The following PRRX1 variants were observed in gnomAD, a reference collection of about 807,000 sequenced individuals.
The protein encoded by PRRX1 is paired related homeobox 1, also known as paired mesoderm homeobox protein 1.
PRRX1 carries 8 observed loss-of-function variants against 24.0 expected under a neutral mutation model. That is an observed-to-expected ratio of 0.33 (90% confidence interval 0.20 to 0.60). The LOEUF (loss-of-function observed/expected upper bound fraction) is 0.60, where lower values mean the gene tolerates loss of function less well. PRRX1 is among the 20% of genes least tolerant of loss of function. The pLI is 0.82. For synonymous variants in PRRX1, 160 were observed against 131.7 expected, an observed-to-expected ratio of 1.22 and a Z score of -1.47; for missense variants, 281 against 322.4, an observed-to-expected ratio of 0.87 and a Z score of 0.98.
chr1:170,713,742 CA>C (rs1309911237), intron 1 of PRRX1, among the ~76,000 whole-genome samples: 1 of 152,140 alleles, frequency 6.6e-6, no homozygotes, highest in Non-Finnish European at 1.5e-5. Context: ...TTTCCCAAAT[CA>C]CATATAAGAT....
At chr1:170,708,259 G>A (rs1654629209) in intron 1 of PRRX1, among the ~76,000 whole-genome samples, 2 of 152,086 alleles carry the variant, frequency 1.3e-5, no homozygotes, top group Non-Finnish European at 2.9e-5. Flanking sequence ...TCAACAACAG[G>A]GGACATGATT....
chr1:170,726,142 A>T, intron 2 of PRRX1, 78 bp from the exon 3 acceptor site: 1 of 1,392,844 alleles, frequency 7.2e-7, no homozygotes, highest in Non-Finnish European at 1.0e-6. Context: ...AATCAAGCAG[A>T]ATTTCATTCA....
chr1:170,692,523 T>G (rs1329149174), intron 1 of PRRX1, among the ~76,000 whole-genome samples: 3 of 148,336 alleles, frequency 2.0e-5, no homozygotes, highest in Non-Finnish European at 4.5e-5. Context: ...TTAAAGCTGT[T>G]TTTTTTTTTT....
intron 1 of PRRX1, among the ~76,000 whole-genome samples, chr1:170,675,114 C>A (rs1346187259): frequency 6.6e-6 from 1 of 152,216 alleles, no homozygotes; most frequent in East Asian, 1.9e-4. Flanking sequence ...AACAGTTCTC[C>A]AAGGATTGTG....
At chr1:170,725,602 G>A (rs907838140) in intron 2 of PRRX1, among the ~76,000 whole-genome samples, 1 of 152,152 alleles carries the variant, frequency 6.6e-6, no homozygotes, top group Non-Finnish European at 1.5e-5. Context: ...TAGTCTTCAG[G>A]TTCTCTGCAG....
chr1:170,717,775 C>A lies in PRRX1; in HGVS notation c.242-1951C>A, dbSNP rs563474070. ...CAAATATTAAATAGGAAGGAGAATGCAAGTGCAATGTAACTACTGAAAGGT... is the reference window on the plus strand; with the variant it reads ...CAAATATTAAATAGGAAGGAGAATGAAAGTGCAATGTAACTACTGAAAGGT... On this transcript the variant is annotated intron_variant, in intron 1 of 3. Transcript: ENST00000239461. Among the ~76,000 whole-genome samples the A allele has an allele frequency of 6.6e-5, 10 of 152,254 alleles. No individual in the cohort carries two copies. In the East Asian group the frequency reaches 1.9e-3, roughly 29 times the overall value.
rs766005361 is a variant in PRRX1 at position 170,687,288 on chromosome 1, TG to T, written c.241+22830del. Among the ~76,000 whole-genome samples, 11 of 152,304 alleles carry T rather than the reference TG, an allele frequency of 7.2e-5. No homozygotes were observed. In the South Asian group the frequency reaches 1.4e-3, roughly 20 times the overall value. Reference sequence around the variant, plus strand: ...TACAGTCTGTTGAAAGCATATTTGGTGAACAAGCCCATTGGAGGCATTTATT... The same window carrying T: ...TACAGTCTGTTGAAAGCATATTTGGTAACAAGCCCATTGGAGGCATTTATT... On this transcript the variant is annotated intron_variant, in intron 1 of 3. Coordinates refer to ENST00000239461, the MANE Select transcript of PRRX1 (RefSeq NM_022716.4).
chr1:170,720,048 G>C (rs1655031397), intron 2 of PRRX1, 147 bp downstream of exon 2: 2 of 1,091,412 alleles, frequency 1.8e-6, no homozygotes, highest in South Asian at 2.7e-5. Context: ...CAGGCACATT[G>C]CTTGAGCTCA....
chr1:170,711,902 T>G (rs1047155003), intron 1 of PRRX1, among the ~76,000 whole-genome samples: 9 of 152,232 alleles, frequency 5.9e-5, no homozygotes, highest in Non-Finnish European at 1.2e-4. Context: ...CTTTGGTTTC[T>G]TCTTATCCTT....
intron 1 of PRRX1, among the ~76,000 whole-genome samples, chr1:170,679,557 A>C (rs532926024): frequency 6.6e-6 from 1 of 152,114 alleles, no homozygotes; most frequent in African/African-American, 2.4e-5. Flanking sequence ...CTGCCACCAC[A>C]CCTGGCTAAT....
At chr1:170,721,892 C>G (rs1005490112) in intron 2 of PRRX1, among the ~76,000 whole-genome samples, 11 of 152,016 alleles carry the variant, frequency 7.2e-5, no homozygotes, top group Non-Finnish European at 1.3e-4. Context: ...AGTCCAGTAA[C>G]CCACAGCACA....
intron 3 of PRRX1, among the ~76,000 whole-genome samples, chr1:170,732,089 G>A (rs370530941): frequency 5.3e-5 from 8 of 152,156 alleles, no homozygotes; most frequent in African/African-American, 1.9e-4. Flanking sequence ...GCAGGCTTCT[G>A]GTTGTTGTCA....
Position 170,664,312 on chromosome 1 carries a change from A to G in PRRX1, c.94A>G (p.Lys32Glu). 1.2e-6 allele frequency: 2 copies of G among 1,613,794 alleles called. No individual in the cohort carries two copies. The highest frequency in any genetic ancestry group is 1.1e-5 in the South Asian group (1 of 90,986). Reference protein sequence around the residue: ...PGNLDTLQAKKNFSVSHLLDL... With the variant: ...PGNLDTLQAKENFSVSHLLDL... ...CAACCTCGACACCCTGCAGGCGAAA[A>G]AGAACTTCTCCGTCAGTCACCTGCT... The change falls in exon 1 of 4, where the codon AAG becomes GAG. Residue 32 changes from lysine (K) to glutamate (E), a missense_variant. Coordinates refer to ENST00000239461, the MANE Select transcript of PRRX1 (RefSeq NM_022716.4).
rs76924140 is a variant in PRRX1 at position 170,677,277 on chromosome 1, C to A, written c.241+12818C>A. On this transcript the variant is annotated intron_variant, in intron 1 of 3. Coordinates refer to ENST00000239461, the MANE Select transcript of PRRX1 (RefSeq NM_022716.4). ...TCAATTTCCTCATCTATAAAACTGGCACATTAATATTTATCACGCAGATTT... is the reference window on the plus strand; with the variant it reads ...TCAATTTCCTCATCTATAAAACTGGAACATTAATATTTATCACGCAGATTT... Among the ~76,000 whole-genome samples, 472 of 152,284 alleles carry A rather than the reference C, an allele frequency of 3.1e-3. 10 individuals carry two copies. Among genetic ancestry groups the A allele is most frequent in the East Asian group, 0.012 (64 of 5,176 alleles).
intron 1 of PRRX1, among the ~76,000 whole-genome samples, chr1:170,714,839 G>A (rs2101913850): frequency 6.6e-6 from 1 of 152,198 alleles, no homozygotes; most frequent in Non-Finnish European, 1.5e-5. Context: ...CCGAGGTCAG[G>A]GCTATTGTTC....
chr1:170,716,328 T>C (rs560295783), intron 1 of PRRX1, among the ~76,000 whole-genome samples: 14 of 152,346 alleles, frequency 9.2e-5, no homozygotes, highest in African/African-American at 3.1e-4. Flanking sequence ...CTCACGCCTG[T>C]AATCCCAGCA....
At chr1:170,704,964 C>A (rs1654508078) in intron 1 of PRRX1, among the ~76,000 whole-genome samples, 1 of 152,160 alleles carries the variant, frequency 6.6e-6, no homozygotes, top group African/African-American at 2.4e-5. Flanking sequence ...ATAAAACTTA[C>A]CTAGTGGCTT....
intron 2 of PRRX1, among the ~76,000 whole-genome samples, chr1:170,725,821 C>T (rs1297693741): frequency 1.3e-5 from 2 of 152,192 alleles, no homozygotes; most frequent in African/African-American, 4.8e-5. Context: ...GAAATTTTCA[C>T]ATTTTGAAGA....
At chr1:170,670,708 A>T (rs1478526510) in intron 1 of PRRX1, among the ~76,000 whole-genome samples, 1 of 152,276 alleles carries the variant, frequency 6.6e-6, no homozygotes, top group South Asian at 2.1e-4. Flanking sequence ...TATATCTGGG[A>T]AGATGATTTT....
Sources: allele counts gnomAD v4.1 joint callset (sites outside exome capture counted in the v4.1 genomes callset), GRCh38; gene constraint gnomAD v4.1.1; transcripts MANE v1.5; gene names NCBI Gene and HGNC (gene_info 2026-07-23, HGNC 2026-07-21).